Variants in PGD observed in about 807,000 individuals in gnomAD.
PGD encodes phosphogluconate dehydrogenase.
In PGD, 21 loss-of-function variants were observed where a neutral mutation model predicts 60.4. The ratio of observed to expected loss-of-function variants is 0.35; its 90% confidence interval spans 0.25 to 0.50. The LOEUF (loss-of-function observed/expected upper bound fraction) is 0.50. Among genes scored for constraint, PGD ranks in the 20% least tolerant of loss-of-function variants. The pLI, the probability that PGD is intolerant of heterozygous loss-of-function variation, is 0.98. For missense variants in PGD, 477 were observed against 613.1 expected, an observed-to-expected ratio of 0.78 and a Z score of 2.34; for synonymous variants, 230 against 235.9, an observed-to-expected ratio of 0.97 and a Z score of 0.23.
At chr1:10,401,996 C>T (rs138199966) in intron 3 of PGD, among the ~76,000 whole-genome samples, 7 of 152,192 alleles carry the variant, frequency 4.6e-5, no homozygotes, top group African/African-American at 1.4e-4. Context: ...GCCTGGGTGA[C>T]AGTGCGAGAC....
At chr1:10,419,146 A>T (rs1051625888) in intron 11 of PGD, among the ~76,000 whole-genome samples, 2 of 151,044 alleles carry the variant, frequency 1.3e-5, no homozygotes, top group African/African-American at 4.9e-5. Context: ...AGTAGCTGGG[A>T]CTACAGGTGT....
intron 10 of PGD, among the ~76,000 whole-genome samples, chr1:10,418,325 A>C (rs1176885593): frequency 6.6e-6 from 1 of 152,188 alleles, no homozygotes; most frequent in African/African-American, 2.4e-5. Context: ...CTTCAGCCTC[A>C]AAAAGCGTGT....
Position 10,420,010 on chromosome 1 carries a change from G to A in PGD, c.*261G>A, listed in dbSNP as rs1277679615. The stretch of plus-strand genomic sequence containing the variant: ...CCATCTCCTTGCGGCAGTGGCTTCC[G>A]CGTGCCCCGTGTGCTGGTGCGGTTC... On this transcript the variant is annotated 3_prime_UTR_variant, in exon 13 of 13. Coordinates refer to ENST00000270776, the MANE Select transcript of PGD (RefSeq NM_002631.4). The A allele has an allele frequency of 3.5e-5, 16 of 462,570 alleles. No homozygotes were observed. Among genetic ancestry groups the A allele is most frequent in the Admixed American group, 3.3e-4 (9 of 27,676 alleles). The allele number at this position is 462,570 out of a possible 1,614,324, so 28.7% of individuals were successfully genotyped here.
chr1:10,403,608 A>AAAAAAAAAAAAAC (rs1639352548), intron 4 of PGD, among the ~76,000 whole-genome samples: 1 of 151,590 alleles, frequency 6.6e-6, no homozygotes. Context: ...AAAAAAAAAA[A>AAAAAAAAAAAAAC]AAGACACTTG....
Position 10,404,185 on chromosome 1 carries a change from A to G in PGD, c.355A>G (p.Lys119Glu). The change falls in exon 5 of 13, where the codon AAG becomes GAG. Residue 119 changes from lysine to glutamate, a missense_variant. Physicochemically the swap from Lys to Glu is moderately conservative, Grantham distance 56. Coordinates refer to ENST00000270776, the MANE Select transcript of PGD (RefSeq NM_002631.4). ...GAGACGGTGCCGAGACCTCAAGGCC[A>G]AGGGAATTTTATTTGTGGGGAGCGG... ...TTRRCRDLKA[K>E]GILFVGSGVS... 1 of 1,613,638 alleles carries G rather than the reference A, an allele frequency of 6.2e-7. No homozygotes were observed. The highest frequency in any genetic ancestry group is 1.7e-4 in the Middle Eastern group (1 of 6,056).
At chr1:10,405,983 G>A (rs35859381) in intron 5 of PGD, among the ~76,000 whole-genome samples, 52,904 of 151,644 alleles carry the variant, frequency 0.35, 9,340 homozygotes, top group Admixed American at 0.38. Context: ...CCTCCCAAGT[G>A]GCTGGAACTA....
chr1:10,399,195 C>A, intron 1 of PGD, 70 bp downstream of exon 1: 1 of 1,555,898 alleles, frequency 6.4e-7, no homozygotes, highest in Non-Finnish European at 8.8e-7. Context: ...GTCGAGATCT[C>A]CCTCGTTCTC....
Position 10,413,042 on chromosome 1 carries a change from C to T in PGD, c.655-20C>T, listed in dbSNP as rs774851326. On this transcript the variant is annotated intron_variant, in intron 7 of 12. Coordinates refer to ENST00000270776, the MANE Select transcript of PGD (RefSeq NM_002631.4). Reference sequence around the variant, plus strand: ...GCCCTCATTCCTCTAACATGGTTCTCTCCTGTGTTCTGCATGTAGGCCTTT... The same window carrying T: ...GCCCTCATTCCTCTAACATGGTTCTTTCCTGTGTTCTGCATGTAGGCCTTT... 1 of 1,608,046 alleles carries T rather than the reference C, an allele frequency of 6.2e-7. No individual in the cohort carries two copies. Among genetic ancestry groups the T allele is most frequent in the Non-Finnish European group, 8.5e-7 (1 of 1,174,842 alleles).
intron 3 of PGD, 21 bp downstream of exon 3, chr1:10,400,593 A>T: frequency 6.3e-7 from 1 of 1,584,202 alleles, no homozygotes; most frequent in Non-Finnish European, 8.6e-7. Context: ...CTGTGCTCTC[A>T]GCTGCTACCA....
Position 10,419,627 on chromosome 1 carries a change from T to C in PGD, c.1333-3T>C. 7 of 1,614,132 alleles carry C rather than the reference T, an allele frequency of 4.3e-6. No homozygotes were observed. The highest frequency in any genetic ancestry group is 5.9e-6 in the Non-Finnish European group (7 of 1,179,934). ...CTGACCAACCTACTCTCTCGTTTCC[T>C]AGGCTCAGCGGGATTACTTCGGGGC... On this transcript the variant is annotated splice_region_variant and splice_polypyrimidine_tract_variant and intron_variant, in intron 12 of 12. Coordinates refer to ENST00000270776, the MANE Select transcript of PGD (RefSeq NM_002631.4).
chr1:10,400,337 C>T, intron 2 of PGD, 56 bp from the exon 3 acceptor site: 1 of 1,333,834 alleles, frequency 7.5e-7, no homozygotes, highest in South Asian at 1.3e-5. Flanking sequence ...ACTTTGGCCA[C>T]AGTCTGAAAG....
In PGD at chr1:10,399,665, C is replaced by G; in HGVS notation, c.45C>G (p.Gly15=). Residue 15 remains glycine (G), a synonymous_variant, in exon 2 of 13, where the codon GGC becomes GGG. Coordinates refer to ENST00000270776, the MANE Select transcript of PGD (RefSeq NM_002631.4). ...DIALIGLAVM[G]QNLILNMNDH... ...CGCTGATCGGATTGGCCGTCATGGG[C>G]CAGAACTTAATTCTGAACATGAATG... The G allele has an allele frequency of 6.2e-7, 1 of 1,614,078 alleles. No homozygotes were observed. Among genetic ancestry groups the G allele is most frequent in the South Asian group, 1.1e-5 (1 of 91,086 alleles).
At chr1:10,402,934 C>T in intron 3 of PGD, 137 bp from the exon 4 acceptor site, 1 of 666,232 alleles carries the variant, frequency 1.5e-6, no homozygotes, top group East Asian at 2.7e-5. Context: ...GCCATGTTCG[C>T]ACTCCTGCAT....
intron 4 of PGD, among the ~76,000 whole-genome samples, chr1:10,403,960 T>C (rs1639357690): frequency 6.6e-6 from 1 of 152,218 alleles, no homozygotes; most frequent in Non-Finnish European, 1.5e-5. Context: ...TTTTGTTTTT[T>C]AACTCCTACA....
intron 5 of PGD, among the ~76,000 whole-genome samples, chr1:10,404,730 C>T (rs778065913): frequency 5.3e-5 from 8 of 152,140 alleles, no homozygotes; most frequent in Non-Finnish European, 7.3e-5. Context: ...GAACTCCTGA[C>T]CTTAGGCGAT....
chr1:10,419,789 G>T lies in PGD; in HGVS notation c.*40G>T. Reference sequence around the variant, plus strand: ...TCACCCTCCACGATTCCACAGACCAGGACATTCCATGTGCCTCATGGCACT... The same window carrying T: ...TCACCCTCCACGATTCCACAGACCATGACATTCCATGTGCCTCATGGCACT... On this transcript the variant is annotated 3_prime_UTR_variant, in exon 13 of 13. Transcript: ENST00000270776. 6.2e-7 allele frequency: 1 copy of T among 1,611,080 alleles called. No homozygotes were observed.
intron 11 of PGD, 34 bp from the exon 12 acceptor site, chr1:10,419,383 A>G (rs1270532942): frequency 6.2e-7 from 1 of 1,601,424 alleles, no homozygotes; most frequent in Non-Finnish European, 8.5e-7. Flanking sequence ...CCAGGGGCAG[A>G]TCACTAATCT....
chr1:10,400,340 T>C, intron 2 of PGD, 53 bp from the exon 3 acceptor site: 12 of 1,374,816 alleles, frequency 8.7e-6, no homozygotes, highest in Non-Finnish European at 1.2e-5. Flanking sequence ...TTGGCCACAG[T>C]CTGAAAGTCT....
intron 10 of PGD, 158 bp from the exon 11 acceptor site, chr1:10,418,666 TGG>T: frequency 1.9e-6 from 1 of 531,348 alleles, no homozygotes. Context: ...TCCCAGCTAC[TGG>T]CGAGGCTGAG....
Sources: gnomAD v4.1 joint callset for allele counts (sites outside exome capture counted in the v4.1 genomes callset) on GRCh38, gnomAD v4.1.1 for gene constraint, MANE v1.5 for transcripts, NCBI Gene and HGNC (gene_info 2026-07-23, HGNC 2026-07-21) for gene names.